Variants in CCND3 observed in about 807,000 individuals in gnomAD.
The protein encoded by CCND3 is G1/S-specific cyclin-D3.
Under a neutral mutation model 28.7 loss-of-function variants are expected in CCND3, and 9 were observed. That is an observed-to-expected ratio of 0.31 (90% CI 0.19 to 0.55). CCND3 has a LOEUF of 0.55. Ranked by LOEUF, CCND3 falls within the 20% of genes least tolerant of loss-of-function variation. The probability of loss-of-function intolerance (pLI) is 0.93; values close to 1 mark genes in which losing one functional copy is unlikely to be tolerated. For synonymous variants in CCND3, 164 were observed against 163.9 expected (o/e 1.00, Z 0.00); for missense variants, 315 against 385.8 (o/e 0.82, Z 1.54).
At chr6:42,003,563 G>A (rs1167506894) in intron 1 of CCND3, among the ~76,000 whole-genome samples, 222 of 89,712 alleles carry the variant, frequency 2.5e-3, no homozygotes, top group African/African-American at 9.2e-3. Flanking sequence ...AAAAAAAAAA[G>A]AACAGCAGAA....
intron 1 of CCND3, among the ~76,000 whole-genome samples, chr6:41,995,531 C>T (rs907217496): frequency 1.3e-5 from 2 of 152,116 alleles, no homozygotes; most frequent in African/African-American, 4.8e-5. Context: ...GCTGGGATTA[C>T]AGGCGTGAGC....
In CCND3 at chr6:42,020,151, C is replaced by T. The variant is rs533433748; in HGVS notation, c.-46+28350G>A. ...AAAATTAGCCGAGCATGGTGGCCGG[C>T]GCCCGTAGTCCCAGCTACTCAGGAG... On this transcript the variant is annotated intron_variant, in intron 1 of 4. Coordinates refer to the CCND3 transcript ENST00000372988. Among the ~76,000 whole-genome samples the T allele has an allele frequency of 1.8e-4, 27 of 152,102 alleles. No individual in the cohort carries two copies. The East Asian group carries it at 3.5e-3, about 20-fold the overall frequency.
intron 1 of CCND3, among the ~76,000 whole-genome samples, chr6:42,014,341 C>T (rs536257031): frequency 1.3e-5 from 2 of 151,556 alleles, no homozygotes; most frequent in African/African-American, 4.9e-5. Context: ...GCACTCCAGC[C>T]TGGGCAACAG....
intron 1 of CCND3, among the ~76,000 whole-genome samples, chr6:42,022,405 G>A (rs552035699): frequency 1.3e-5 from 2 of 152,346 alleles, no homozygotes; most frequent in South Asian, 4.1e-4. Flanking sequence ...GGTGGAGGAT[G>A]GAGGCGGGGA....
At chr6:42,043,811 C>T (rs572980640) in intron 1 of CCND3, among the ~76,000 whole-genome samples, 13 of 152,318 alleles carry the variant, frequency 8.5e-5, no homozygotes, top group African/African-American at 2.4e-4. Flanking sequence ...TCTGGGCCAA[C>T]GACGGAGGTA....
chr6:41,981,551 G>T (rs1305341441), intron 1 of CCND3, among the ~76,000 whole-genome samples: 1 of 149,066 alleles, frequency 6.7e-6, no homozygotes. Flanking sequence ...TTGAGACAGG[G>T]TCTGCTCTTT....
intron 1 of CCND3, among the ~76,000 whole-genome samples, chr6:42,000,214 C>T (rs149215551): frequency 6.4e-4 from 82 of 128,500 alleles, no homozygotes; most frequent in African/African-American, 1.7e-3. Flanking sequence ...CATCAAGTCT[C>T]GTGGAAATTT....
At chr6:42,004,473 C>T (rs1252135830) in intron 1 of CCND3, among the ~76,000 whole-genome samples, 1 of 152,172 alleles carries the variant, frequency 6.6e-6, no homozygotes, top group Non-Finnish European at 1.5e-5. Flanking sequence ...TGGCTCATGC[C>T]TGTAATCCCA....
intron 1 of CCND3, among the ~76,000 whole-genome samples, chr6:41,996,427 G>A (rs895134392): frequency 6.6e-6 from 1 of 151,824 alleles, no homozygotes. Flanking sequence ...TGGGATTACA[G>A]GTGTAAGCCA....
chr6:41,957,539 A>G (rs372222476), intron 1 of CCND3, among the ~76,000 whole-genome samples: 19 of 152,346 alleles, frequency 1.2e-4, no homozygotes, highest in African/African-American at 4.6e-4. Flanking sequence ...ATTTAGGGCC[A>G]GAAGGATCAA....
intron 1 of CCND3, among the ~76,000 whole-genome samples, chr6:41,989,555 A>G (rs553071015): frequency 6.6e-6 from 1 of 152,248 alleles, no homozygotes; most frequent in African/African-American, 2.4e-5. Flanking sequence ...ATCTACAGAT[A>G]GCAAATAAGC....
chr6:41,995,592 T>C (rs985903652), intron 1 of CCND3, among the ~76,000 whole-genome samples: 3 of 151,974 alleles, frequency 2.0e-5, no homozygotes, highest in Non-Finnish European at 2.9e-5. Context: ...TGCTGAGAAA[T>C]TGAAAAAAGC....
intron 1 of CCND3, among the ~76,000 whole-genome samples, chr6:41,967,142 C>T (rs978520526): frequency 1.3e-5 from 2 of 152,120 alleles, no homozygotes; most frequent in Non-Finnish European, 2.9e-5. Flanking sequence ...TTCTTTGTCT[C>T]ACCTCTGGTT....
At chr6:42,032,403 G>A (rs1004891378) in intron 1 of CCND3, among the ~76,000 whole-genome samples, 1 of 152,134 alleles carries the variant, frequency 6.6e-6, no homozygotes, top group Non-Finnish European at 1.5e-5. Flanking sequence ...GGTTTTTTCT[G>A]CACTTAGAAT....
rs538194008 is a variant in CCND3, at chr6:41,977,909, G to T, written c.-45-37324C>A. On this transcript the variant is annotated intron_variant, in intron 1 of 4. Transcript: ENST00000372988. ...ATCTTTACTAAAAGTACAAAGATTA[G>T]CTGGGCATGGCAGCACCAGCCTGTA... Among the ~76,000 whole-genome samples the T allele has an allele frequency of 3.3e-5, 5 of 152,172 alleles. No homozygotes were observed. In the South Asian group the frequency reaches 1.0e-3, roughly 32 times the overall value.
intron 1 of CCND3, among the ~76,000 whole-genome samples, chr6:41,998,580 G>A (rs982827844): frequency 6.6e-6 from 1 of 151,616 alleles, no homozygotes; most frequent in South Asian, 2.1e-4. Flanking sequence ...CGCCTGCCTC[G>A]GTCTCCTAAA....
chr6:41,959,409 A>G (rs1050552572), intron 1 of CCND3, among the ~76,000 whole-genome samples: 20 of 151,222 alleles, frequency 1.3e-4, no homozygotes, highest in Admixed American at 1.1e-3. Context: ...GGCCAGGCGC[A>G]GTGGCTCACG....
At chr6:42,019,947 T>G (rs1464582224) in intron 1 of CCND3, among the ~76,000 whole-genome samples, 1 of 152,158 alleles carries the variant, frequency 6.6e-6, no homozygotes, top group African/African-American at 2.4e-5. Flanking sequence ...CTATTTTCCA[T>G]ATTGTCCAAA....
intron 1 of CCND3, among the ~76,000 whole-genome samples, chr6:41,995,079 G>C (rs1397512601): frequency 6.6e-6 from 1 of 151,658 alleles, no homozygotes; most frequent in Non-Finnish European, 1.5e-5. Flanking sequence ...CTCAAAAATA[G>C]ATAAACAAAA....
Sources: allele counts gnomAD v4.1 joint callset (sites outside exome capture counted in the v4.1 genomes callset), GRCh38; gene constraint gnomAD v4.1.1; transcripts MANE v1.5; gene names NCBI Gene and HGNC (gene_info 2026-07-23, HGNC 2026-07-21).